Variants in BRI3 observed in about 807,000 individuals in gnomAD.
BRI3 encodes membrane protein BRI3.
BRI3 carries 6 observed loss-of-function variants against 12.8 expected under a neutral mutation model. The ratio of observed to expected loss-of-function variants is 0.47; its 90% CI spans 0.26 to 0.93. The LOEUF (loss-of-function observed/expected upper bound fraction) is 0.93. Ranked by LOEUF, BRI3 falls within the 40% of genes least tolerant of loss-of-function variation. BRI3 has a pLI of 0.15. For missense variants in BRI3, 134 were observed against 171.1 expected, an observed-to-expected ratio of 0.78 and a Z score of 1.21; for synonymous variants, 91 against 76.1, an observed-to-expected ratio of 1.20 and a Z score of -1.02.
At chr7:98,294,577 G>A (rs1448483789), downstream of BRI3, among the ~76,000 whole-genome samples, 1 of 152,164 alleles carries the variant, frequency 6.6e-6, no homozygotes, top group Non-Finnish European at 1.5e-5. Flanking sequence ...GAGCAACAGA[G>A]CGACATCACA....
the BRI3 span, among the ~76,000 whole-genome samples, chr7:98,321,723 C>T: frequency 6.6e-6 from 1 of 152,152 alleles, no homozygotes; most frequent in Non-Finnish European, 1.5e-5. Flanking sequence ...TCTGGAACCA[C>T]CGTTACCACC....
chr7:98,320,203 G>A, the BRI3 span: 2 of 1,586,482 alleles, frequency 1.3e-6, no homozygotes, highest in East Asian at 2.2e-5. Flanking sequence ...CCTGAAATGA[G>A]TGTATTTTGT....
intron 2 of BRI3, among the ~76,000 whole-genome samples, chr7:98,286,575 C>T (rs950007459): frequency 3.3e-5 from 5 of 152,042 alleles, no homozygotes; most frequent in Admixed American, 1.3e-4. Flanking sequence ...GAGGAGAACT[C>T]GAGGCTGTGG....
chr7:98,298,085 GAT>G (rs1800264397), intron 1 of BRI3, among the ~76,000 whole-genome samples: 1 of 152,116 alleles, frequency 6.6e-6, no homozygotes, highest in Non-Finnish European at 1.5e-5. Flanking sequence ...AACTTAAAGA[GAT>G]ATCACGTGAC....
At chr7:98,314,468 C>T (rs547996271), downstream of BRI3, among the ~76,000 whole-genome samples, 9 of 152,286 alleles carry the variant, frequency 5.9e-5, no homozygotes, top group African/African-American at 2.2e-4. Context: ...TGACCTCAAC[C>T]AGTGCTAGTT....
intron 2 of BRI3, among the ~76,000 whole-genome samples, chr7:98,285,134 G>C (rs1011669129): frequency 2.6e-5 from 4 of 152,216 alleles, no homozygotes; most frequent in Non-Finnish European, 5.9e-5. Context: ...ACCAGAGAGA[G>C]AGGAAATCCT....
chr7:98,293,241 A>G (rs1420103939), downstream of BRI3: 6 of 362,108 alleles, frequency 1.7e-5, no homozygotes, highest in Non-Finnish European at 3.0e-5. Flanking sequence ...TAAAAAATAC[A>G]GTAAAGATTG....
chr7:98,312,325 T>C (rs924548718), downstream of BRI3: 3 of 1,516,866 alleles, frequency 2.0e-6, no homozygotes. Flanking sequence ...CTGAGAAAAA[T>C]GACATCACGT....
chr7:98,296,231 G>A (rs987418625), downstream of BRI3, among the ~76,000 whole-genome samples: 11 of 152,356 alleles, frequency 7.2e-5, no homozygotes, highest in South Asian at 2.1e-4. Context: ...CTGGGTGATC[G>A]TGGGGGCCGG....
At chr7:98,282,548 T>C (rs1330376718) in intron 2 of BRI3, 95 bp downstream of exon 2, 11 of 1,037,406 alleles carry the variant, frequency 1.1e-5, no homozygotes, top group Non-Finnish European at 1.6e-5. Context: ...TGGGAGTGGG[T>C]CCGGCTTGAC....
chr7:98,289,696 TCTGC>T (rs1344180525), intron 2 of BRI3, among the ~76,000 whole-genome samples: 9 of 152,170 alleles, frequency 5.9e-5, no homozygotes, highest in Non-Finnish European at 1.3e-4. Flanking sequence ...CCCGTTGGGG[TCTGC>T]CTGTCTGGTG....
chr7:98,323,242 GC>G, the BRI3 span: 3 of 152,050 alleles, frequency 2.0e-5, no homozygotes, highest in Non-Finnish European at 4.4e-5. Flanking sequence ...CCATTTTATA[GC>G]CCCTCAGTCA....
chr7:98,283,850 G>A (rs1008408662), intron 2 of BRI3, among the ~76,000 whole-genome samples: 1 of 152,198 alleles, frequency 6.6e-6, no homozygotes, highest in African/African-American at 2.4e-5. Flanking sequence ...CCCTGAACTT[G>A]GAGAGGTGAG....
chr7:98,300,399 C>T (rs1800371632), intron 1 of BRI3, among the ~76,000 whole-genome samples: 1 of 152,216 alleles, frequency 6.6e-6, no homozygotes, highest in African/African-American at 2.4e-5. Flanking sequence ...GTGCTGTCTA[C>T]AGAGGCTGGA....
intron 2 of BRI3, among the ~76,000 whole-genome samples, chr7:98,289,318 TC>T (rs1799819316): frequency 6.6e-6 from 1 of 152,192 alleles, no homozygotes; most frequent in Non-Finnish European, 1.5e-5. Context: ...TTTTCCATAA[TC>T]CCCGGAGAAG....
chr7:98,308,373 AC>A (rs746520098), exon 2 of BRI3: 355 of 438,720 alleles, frequency 8.1e-4, no homozygotes, highest in Non-Finnish European at 1.4e-3. Context: ...TCAGCTTCTC[AC>A]CCCCAGGCCT....
chr7:98,313,210 T>C (rs1800940454), downstream of BRI3, among the ~76,000 whole-genome samples: 1 of 150,036 alleles, frequency 6.7e-6, no homozygotes, highest in Non-Finnish European at 1.5e-5. Context: ...GCCTGCTTCA[T>C]CCCAACTCCA....
At chr7:98,285,203 C>G (rs535772252) in intron 2 of BRI3, among the ~76,000 whole-genome samples, 14 of 152,180 alleles carry the variant, frequency 9.2e-5, no homozygotes, top group African/African-American at 3.4e-4. Flanking sequence ...GGGCGGATGT[C>G]GCTCAGAGGT....
chr7:98,312,834 G>T (rs755249223), downstream of BRI3, among the ~76,000 whole-genome samples: 7 of 152,198 alleles, frequency 4.6e-5, no homozygotes, highest in Non-Finnish European at 7.3e-5. Flanking sequence ...GACCTGACCA[G>T]CAGGGGTGAG....
Sources: gnomAD v4.1 joint callset for allele counts (sites outside exome capture counted in the v4.1 genomes callset) on GRCh38, gnomAD v4.1.1 for gene constraint, MANE v1.5 for transcripts, NCBI Gene and HGNC (gene_info 2026-07-23, HGNC 2026-07-21) for gene names.